The following ARHGAP26 variants were observed in gnomAD, a reference collection of about 807,000 sequenced individuals.
ARHGAP26 encodes the protein rho GTPase-activating protein 26.
ARHGAP26 carries 38 observed loss-of-function variants against 104.8 expected under a neutral mutation model. The observed-to-expected ratio is 0.36, with a 90% CI of 0.28 to 0.48. ARHGAP26 has a LOEUF of 0.48. ARHGAP26 is among the 20% of genes least tolerant of loss of function. The pLI is 0.99. For missense variants in ARHGAP26, 704 were observed against 947.9 expected (o/e 0.74, Z 3.38); for synonymous variants, 341 against 340.0 (o/e 1.00, Z -0.03).
intron 12 of ARHGAP26, 97 bp downstream of exon 12, chr5:143,014,213 G>A (rs1779280295): frequency 2.1e-6 from 3 of 1,432,744 alleles, no homozygotes; most frequent in Admixed American, 3.4e-5. Flanking sequence ...GGTGCTGTGG[G>A]CGTGTTGGGT....
intron 11 of ARHGAP26, among the ~76,000 whole-genome samples, chr5:143,013,873 A>G (rs977075690): frequency 2.6e-5 from 4 of 152,202 alleles, no homozygotes; most frequent in African/African-American, 7.2e-5. Flanking sequence ...AGTTGCACAG[A>G]TGATTCTGAT....
In ARHGAP26 at chr5:142,770,741, C is replaced by T. The variant is rs773021199; in HGVS notation, c.-21C>T. 2.3e-6 allele frequency: 3 copies of T among 1,320,824 alleles called. No individual in the cohort carries two copies. Among genetic ancestry groups the T allele is most frequent in the South Asian group, 4.3e-5 (2 of 46,752 alleles). The allele number at this position is 1,320,824 out of a possible 1,614,324, so 81.8% of individuals were successfully genotyped here. On this transcript the variant is annotated 5_prime_UTR_variant, in exon 1 of 23. Coordinates refer to ENST00000645722, the MANE Select transcript of ARHGAP26 (RefSeq NM_001135608.3). ...CGGGCCCCGGCGGAGGCGCGCCCCCCGGCTGGGCGCCGCGCGCACCATGGG... is the reference window on the plus strand; with the variant it reads ...CGGGCCCCGGCGGAGGCGCGCCCCCTGGCTGGGCGCCGCGCGCACCATGGG...
At position 143,207,204 on chromosome 5, in the gene ARHGAP26, G is replaced by A. The variant is rs751554467; in HGVS notation, c.1995G>A (p.Pro665=). 21 of 1,613,284 alleles carry A rather than the reference G, an allele frequency of 1.3e-5. No homozygotes were observed. The highest frequency in any genetic ancestry group is 2.2e-5 in the East Asian group (1 of 44,876). ...VKPTRPNSLP[P]NPSPTSPLSP... ...TGGTTGTTATGTCTTGCAGCCCCCC[G>A]AATCCAAGCCCAACTTCACCCCTCT... Residue 665 remains proline (P), a synonymous_variant, in exon 21 of 23, where the codon CCG becomes CCA. Transcript: ENST00000645722.
chr5:143,210,993 G>A (rs1562619003), intron 21 of ARHGAP26, among the ~76,000 whole-genome samples: 2 of 152,176 alleles, frequency 1.3e-5, no homozygotes, highest in Non-Finnish European at 2.9e-5. Context: ...GATGCCTGGT[G>A]GAGATTTTTT....
chr5:143,190,027 AG>A (rs10597676), intron 20 of ARHGAP26, among the ~76,000 whole-genome samples: 1,522 of 145,604 alleles, frequency 0.01, 15 homozygotes, highest in Middle Eastern at 0.018. Context: ...GGACAGAAGG[AG>A]GGGGGGGAAA....
At chr5:143,205,053 A>G (rs1425855320) in intron 20 of ARHGAP26, among the ~76,000 whole-genome samples, 1 of 152,120 alleles carries the variant, frequency 6.6e-6, no homozygotes, top group African/African-American at 2.4e-5. Context: ...TCTGACTAGC[A>G]GCAACTGTGG....
intron 9 of ARHGAP26, among the ~76,000 whole-genome samples, chr5:142,910,099 G>A (rs972937854): frequency 1.3e-5 from 2 of 152,156 alleles, no homozygotes; most frequent in Non-Finnish European, 2.9e-5. Context: ...GATATTATAA[G>A]AGTTAATTTT....
chr5:143,050,058 G>T (rs1241130337), intron 14 of ARHGAP26, among the ~76,000 whole-genome samples: 1 of 152,190 alleles, frequency 6.6e-6, no homozygotes, highest in African/African-American at 2.4e-5. Context: ...GGGTTGGGGG[G>T]TTGCAGCATG....
chr5:143,012,145 C>G (rs982101078), intron 11 of ARHGAP26, among the ~76,000 whole-genome samples: 2 of 152,100 alleles, frequency 1.3e-5, no homozygotes, highest in African/African-American at 4.8e-5. Context: ...TTAGACAATC[C>G]TCTTTAAGTA....
At chr5:142,877,966 TCAAA>T in intron 3 of ARHGAP26, among the ~76,000 whole-genome samples, 1 of 152,250 alleles carries the variant, frequency 6.6e-6, no homozygotes, top group Middle Eastern at 3.4e-3. Context: ...AATCACAAAA[TCAAA>T]CAAATTAACA....
intron 1 of ARHGAP26, among the ~76,000 whole-genome samples, chr5:142,774,965 GT>G (rs1263236356): frequency 6.6e-6 from 1 of 151,918 alleles, no homozygotes; most frequent in Non-Finnish European, 1.5e-5. Flanking sequence ...ATGTGCCATA[GT>G]TTATCCTTTC....
chr5:143,152,672 G>A (rs544606377), intron 20 of ARHGAP26, among the ~76,000 whole-genome samples: 2 of 152,322 alleles, frequency 1.3e-5, no homozygotes, highest in East Asian at 1.9e-4. Flanking sequence ...ATAGAATGTG[G>A]AGGAAGTGAC....
intron 17 of ARHGAP26, among the ~76,000 whole-genome samples, chr5:143,071,790 A>G (rs2150380387): frequency 6.6e-6 from 1 of 152,200 alleles, no homozygotes; most frequent in East Asian, 1.9e-4. Flanking sequence ...TGTAATCCCC[A>G]GCCACTTGGG....
chr5:142,902,689 T>C (rs1475087320), intron 7 of ARHGAP26, among the ~76,000 whole-genome samples: 1 of 152,228 alleles, frequency 6.6e-6, no homozygotes, highest in African/African-American at 2.4e-5. Context: ...TGTGTCCATG[T>C]GGGTTGTACT....
chr5:143,018,304 G>A (rs890487341), intron 12 of ARHGAP26, among the ~76,000 whole-genome samples: 30 of 152,096 alleles, frequency 2.0e-4, no homozygotes, highest in East Asian at 9.6e-4. Flanking sequence ...CTGTTAATAC[G>A]TGGTATCCTT....
intron 1 of ARHGAP26, among the ~76,000 whole-genome samples, chr5:142,781,913 C>T: frequency 6.6e-6 from 1 of 152,140 alleles, no homozygotes; most frequent in East Asian, 1.9e-4. Flanking sequence ...GATGGGGTTT[C>T]ACCGTGTTAC....
intron 21 of ARHGAP26, among the ~76,000 whole-genome samples, chr5:143,211,791 G>C (rs1327482394): frequency 1.3e-5 from 2 of 151,828 alleles, no homozygotes; most frequent in Middle Eastern, 3.2e-3. Context: ...AAATTCCTGG[G>C]CTCAAGCAAT....
At chr5:143,082,802 A>T (rs1017958339) in intron 17 of ARHGAP26, among the ~76,000 whole-genome samples, 4 of 152,220 alleles carry the variant, frequency 2.6e-5, no homozygotes, top group African/African-American at 7.2e-5. Flanking sequence ...ATAAAATAAG[A>T]TTATTCATTT....
At chr5:143,215,566 A>G (rs1024920550) in intron 22 of ARHGAP26, among the ~76,000 whole-genome samples, 4 of 152,162 alleles carry the variant, frequency 2.6e-5, no homozygotes, top group Admixed American at 6.6e-5. Flanking sequence ...ATATAATTCC[A>G]GAATATTTTC....
Sources: allele counts gnomAD v4.1 joint callset (sites outside exome capture counted in the v4.1 genomes callset), GRCh38; gene constraint gnomAD v4.1.1; transcripts MANE v1.5; gene names NCBI Gene and HGNC (gene_info 2026-07-23, HGNC 2026-07-21).